The following ATXN7L1 variants were observed in gnomAD, a reference collection of about 807,000 sequenced individuals.
The protein encoded by ATXN7L1 is ataxin-7-like protein 1.
Under a neutral mutation model 70.8 loss-of-function variants are expected in ATXN7L1, and 15 were observed. The ratio of observed to expected loss-of-function variants is 0.21; its 90% CI spans 0.14 to 0.33. The LOEUF (loss-of-function observed/expected upper bound fraction) is 0.33, where lower values mean the gene tolerates loss of function less well. Among genes scored for constraint, ATXN7L1 ranks in the 10% least tolerant of loss-of-function variants. ATXN7L1 has a pLI of 1.00. For missense variants in ATXN7L1, 975 were observed against 1,097.1 expected (o/e 0.89, Z 1.57); for synonymous variants, 440 against 445.1 (o/e 0.99, Z 0.14).
chr7:105,640,972 GA>G (rs1205568527), intron 5 of ATXN7L1, among the ~76,000 whole-genome samples: 1 of 152,206 alleles, frequency 6.6e-6, no homozygotes, highest in Non-Finnish European at 1.5e-5. Context: ...TTCCTAGCTG[GA>G]AAACTGTCTG....
rs556048408 is a variant in ATXN7L1, at chr7:105,740,784, T to TTTTTTTG, written c.355+47819_355+47820insCAAAAAA. Among the ~76,000 whole-genome samples the TTTTTTTG allele has an allele frequency of 3.8e-3, 297 of 77,932 alleles. 88 individuals carry two copies. Among genetic ancestry groups the TTTTTTTG allele is most frequent in the East Asian group, 0.019 (29 of 1,502 alleles). 51.1% of individuals were successfully genotyped at this position (77,932 alleles called of 152,430 possible). ...GGCTCCATTCATTTTTTTTTTTTTTTAATGGAGTCTCACTCTGTCGCCCAG... is the reference window on the plus strand; with the variant it reads ...GGCTCCATTCATTTTTTTTTTTTTTTTTTTTTGAATGGAGTCTCACTCTGTCGCCCAG... On this transcript the variant is annotated intron_variant, in intron 3 of 11. Coordinates refer to ENST00000419735, the MANE Select transcript of ATXN7L1 (RefSeq NM_020725.2).
At position 105,669,682 on chromosome 7, in the gene ATXN7L1, G is replaced by A. The variant is rs560379784; in HGVS notation, c.356-4394C>T. Among the ~76,000 whole-genome samples the A allele has an allele frequency of 1.7e-4, 26 of 152,184 alleles. No homozygotes were observed. In the South Asian group the frequency reaches 4.6e-3, roughly 27 times the overall value. On this transcript the variant is annotated intron_variant, in intron 3 of 11. Transcript: ENST00000419735. ...TCACGACTGCAATCCCAGCACTTTG[G>A]GAGGCCAAGGCGGGTGGATCTTAGG...
chr7:105,615,157 C>T lies in ATXN7L1; in HGVS notation c.1518-341G>A, dbSNP rs183821394. ...GTATTCTCCTCTCTCAACCACTGCC[C>T]CCACCCCCCAACTCTCTTTTTTTGG... On this transcript the variant is annotated intron_variant, in intron 9 of 11. Transcript: ENST00000419735. Among the ~76,000 whole-genome samples, 10 of 152,140 alleles carry T rather than the reference C, an allele frequency of 6.6e-5. No individual in the cohort carries two copies. The East Asian group carries it at 1.9e-3, about 29-fold the overall frequency.
intron 2 of ATXN7L1, among the ~76,000 whole-genome samples, chr7:105,865,886 G>A (rs1306541519): frequency 1.3e-5 from 2 of 151,854 alleles, no homozygotes; most frequent in Admixed American, 6.6e-5. Flanking sequence ...CATTCTACTC[G>A]CTGTCTGTAT....
chr7:105,620,968 A>G (rs1794851473), intron 8 of ATXN7L1, among the ~76,000 whole-genome samples: 1 of 151,880 alleles, frequency 6.6e-6, no homozygotes. Context: ...TCCTATTATC[A>G]GCCACATTTT....
intron 3 of ATXN7L1, among the ~76,000 whole-genome samples, chr7:105,770,741 C>A (rs1369232369): frequency 6.6e-6 from 1 of 152,188 alleles, no homozygotes; most frequent in Non-Finnish European, 1.5e-5. Flanking sequence ...TGAACCCCAA[C>A]CCCTTCAAAG....
intron 8 of ATXN7L1, 131 bp from the exon 9 acceptor site, chr7:105,620,452 G>A: frequency 1.1e-6 from 1 of 945,000 alleles, no homozygotes; most frequent in Non-Finnish European, 1.5e-6. Context: ...CCGTACTGAA[G>A]CCAAAAATAC....
intron 11 of ATXN7L1, among the ~76,000 whole-genome samples, chr7:105,609,437 G>C (rs1210412222): frequency 6.6e-6 from 1 of 151,616 alleles, no homozygotes; most frequent in Non-Finnish European, 1.5e-5. Flanking sequence ...AAAGTGCTGG[G>C]ATTACAGGCA....
chr7:105,643,362 C>T (rs1479860436), intron 4 of ATXN7L1, among the ~76,000 whole-genome samples: 7 of 152,142 alleles, frequency 4.6e-5, no homozygotes, highest in Non-Finnish European at 7.4e-5. Flanking sequence ...GATTACCGCC[C>T]GTGCTGAGCT....
chr7:105,632,544 C>T (rs1426216434), intron 7 of ATXN7L1, among the ~76,000 whole-genome samples: 1 of 152,084 alleles, frequency 6.6e-6, no homozygotes, highest in Admixed American at 6.5e-5. Context: ...AGATGTAACA[C>T]AGGAAAACAT....
intron 3 of ATXN7L1, among the ~76,000 whole-genome samples, chr7:105,765,119 A>C (rs1801071285): frequency 6.6e-6 from 1 of 151,986 alleles, no homozygotes; most frequent in Non-Finnish European, 1.5e-5. Flanking sequence ...TGATCACTTG[A>C]GGTCAGGAGT....
At chr7:105,714,383 T>C (rs964525809) in intron 3 of ATXN7L1, among the ~76,000 whole-genome samples, 18 of 152,224 alleles carry the variant, frequency 1.2e-4, no homozygotes, top group African/African-American at 3.6e-4. Context: ...CAGGAATCTG[T>C]GCTTTACAAG....
intron 3 of ATXN7L1, among the ~76,000 whole-genome samples, chr7:105,680,851 G>A (rs1805455284): frequency 6.6e-6 from 1 of 152,192 alleles, no homozygotes; most frequent in Non-Finnish European, 1.5e-5. Flanking sequence ...GTTTCAGGAT[G>A]ACCTGGAGGA....
intron 2 of ATXN7L1, among the ~76,000 whole-genome samples, chr7:105,802,307 A>C (rs1806943286): frequency 6.6e-6 from 1 of 152,076 alleles, no homozygotes; most frequent in Non-Finnish European, 1.5e-5. Flanking sequence ...GAGGTCCGAC[A>C]ATCAATCTCT....
chr7:105,626,840 G>A (rs1200920061), intron 7 of ATXN7L1, among the ~76,000 whole-genome samples: 1 of 152,174 alleles, frequency 6.6e-6, no homozygotes, highest in East Asian at 1.9e-4. Flanking sequence ...CATCCTTCCA[G>A]ACGTTGTTAC....
chr7:105,710,401 CTTT>C (rs34003989), intron 3 of ATXN7L1, among the ~76,000 whole-genome samples: 1,322 of 78,112 alleles, frequency 0.017, 9 homozygotes, highest in Non-Finnish European at 0.021. Context: ...GTGCCATGCA[CTTT>C]TTTTTTTTTT....
intron 3 of ATXN7L1, among the ~76,000 whole-genome samples, chr7:105,698,579 G>A (rs777237689): frequency 1.5e-4 from 23 of 152,208 alleles, no homozygotes; most frequent in Admixed American, 5.9e-4. Flanking sequence ...GCTCATGCTC[G>A]TCTCCTGGGG....
chr7:105,736,949 T>C (rs1797447189), intron 3 of ATXN7L1, among the ~76,000 whole-genome samples: 1 of 152,234 alleles, frequency 6.6e-6, no homozygotes, highest in South Asian at 2.1e-4. Context: ...GCTGGCTTCA[T>C]AAAACGAATT....
intron 2 of ATXN7L1, among the ~76,000 whole-genome samples, chr7:105,871,085 T>TTTG: frequency 3.5e-5 from 1 of 28,624 alleles, no homozygotes; most frequent in South Asian, 7.0e-4. Context: ...AGGGCTTGGG[T>TTTG]TTTTTTTTTT....
Sources: gnomAD v4.1 joint callset for allele counts (sites outside exome capture counted in the v4.1 genomes callset) on GRCh38, gnomAD v4.1.1 for gene constraint, MANE v1.5 for transcripts, NCBI Gene and HGNC (gene_info 2026-07-23, HGNC 2026-07-21) for gene names.